Variants in ERCC6L2 observed in about 807,000 individuals in gnomAD.
The protein encoded by ERCC6L2 is ERCC excision repair 6 like 2, also known as DNA excision repair protein ERCC-6-like 2.
Under a neutral mutation model 132.0 loss-of-function variants are expected in ERCC6L2, and 77 were observed. The observed-to-expected ratio is 0.58, with a 90% CI of 0.49 to 0.71. ERCC6L2 has a LOEUF of 0.71. ERCC6L2 is among the 30% of genes least tolerant of loss of function. The pLI, the probability that ERCC6L2 is intolerant of heterozygous loss-of-function variation, is 0.00. For synonymous variants in ERCC6L2, 583 were observed against 632.4 expected, an observed-to-expected ratio of 0.92 and a Z score of 1.17; for missense variants, 1,542 against 1,837.6, an observed-to-expected ratio of 0.84 and a Z score of 2.94.
At position 95,939,283 on chromosome 9, in the gene ERCC6L2, CT is replaced by C. The variant is rs571836499; in HGVS notation, c.1752-2158del. On this transcript the variant is annotated intron_variant, in intron 11 of 18. Coordinates refer to ENST00000653738, the MANE Select transcript of ERCC6L2 (RefSeq NM_020207.7). ...TGTTCTAGTTCCAAGCCTTATTCTGCTTTTTTTTTTTTTCCTTATGAACTTT... is the reference window on the plus strand; with the variant it reads ...TGTTCTAGTTCCAAGCCTTATTCTGCTTTTTTTTTTTTCCTTATGAACTTT... Among the ~76,000 whole-genome samples, 427 of 141,978 alleles carry C rather than the reference CT, an allele frequency of 3.0e-3. 1 individual carries two copies. Among genetic ancestry groups the C allele is most frequent in the African/African-American group, 5.2e-3 (204 of 38,990 alleles). 93.1% of individuals were successfully genotyped at this position (141,978 alleles called of 152,430 possible).
At chr9:95,892,776 T>C (rs1828240448) in intron 2 of ERCC6L2, among the ~76,000 whole-genome samples, 1 of 152,194 alleles carries the variant, frequency 6.6e-6, no homozygotes, top group Non-Finnish European at 1.5e-5. Context: ...ATTTTGAAGC[T>C]CCGTTATTAG....
At chr9:95,890,302 TA>T (rs1288437755) in intron 2 of ERCC6L2, among the ~76,000 whole-genome samples, 4 of 152,222 alleles carry the variant, frequency 2.6e-5, no homozygotes, top group Non-Finnish European at 2.9e-5. Context: ...ATATTGCCTA[TA>T]TTTGCCAGGC....
At position 96,014,451 on chromosome 9, in the gene ERCC6L2, A is replaced by G. The variant is rs893618555; in HGVS notation, c.*1248A>G. The G allele has an allele frequency of 3.9e-5, 6 of 152,234 alleles. No individual in the cohort carries two copies. Among genetic ancestry groups the G allele is most frequent in the African/African-American group, 1.4e-4 (6 of 41,456 alleles). The allele number at this position is 152,234 out of a possible 1,614,324, so 9.4% of individuals were successfully genotyped here. ...TTCTCAAGGGACTGATCGGCCAAGT[A>G]TGCTTTTCTTTAGAGCAATGTTTTG... is the stretch of plus-strand genomic sequence containing the variant. On this transcript the variant is annotated 3_prime_UTR_variant, in exon 19 of 19. Transcript: ENST00000653738.
At chr9:95,969,067 AGGGG>A (rs1832292787) in intron 14 of ERCC6L2, among the ~76,000 whole-genome samples, 1 of 152,030 alleles carries the variant, frequency 6.6e-6, no homozygotes, top group Admixed American at 6.6e-5. Context: ...TGTTTTAGAT[AGGGG>A]AAACAAATGC....
chr9:95,952,725 G>A (rs575074336), intron 12 of ERCC6L2, among the ~76,000 whole-genome samples: 29 of 152,088 alleles, frequency 1.9e-4, no homozygotes, highest in African/African-American at 6.7e-4. Flanking sequence ...AGTTCCAGCT[G>A]CTTGCTTGGG....
At chr9:95,897,700 G>T (rs1254148593) in intron 2 of ERCC6L2, 149 bp from the exon 3 acceptor site, 3 of 755,920 alleles carry the variant, frequency 4.0e-6, no homozygotes, top group East Asian at 2.9e-5. Flanking sequence ...TACAAATAAA[G>T]AAAATCAGTA....
intron 13 of ERCC6L2, among the ~76,000 whole-genome samples, chr9:95,957,959 G>A (rs1397602160): frequency 6.6e-6 from 1 of 151,150 alleles, no homozygotes; most frequent in Non-Finnish European, 1.5e-5. Flanking sequence ...CATGTGCCAT[G>A]TTGGTGTGCT....
At chr9:95,918,229 A>G in intron 6 of ERCC6L2, 1 of 453,826 alleles carries the variant, frequency 2.2e-6, no homozygotes, top group Non-Finnish European at 4.4e-6. Context: ...AGCTGAGATT[A>G]AGGTCACCAT....
intron 6 of ERCC6L2, among the ~76,000 whole-genome samples, chr9:95,917,758 GT>G (rs1402467658): frequency 2.0e-5 from 3 of 152,164 alleles, no homozygotes; most frequent in Non-Finnish European, 4.4e-5. Context: ...TCTGCTTAGA[GT>G]TTTGTGACTT....
chr9:95,881,829 A>G (rs1166993608), intron 2 of ERCC6L2, among the ~76,000 whole-genome samples: 1 of 152,168 alleles, frequency 6.6e-6, no homozygotes, highest in East Asian at 1.9e-4. Flanking sequence ...TAAAGAGGGG[A>G]TTTGTTGTAG....
chr9:96,024,545 C>T (rs930722604), intron 19 of ERCC6L2, among the ~76,000 whole-genome samples: 4 of 152,192 alleles, frequency 2.6e-5, no homozygotes, highest in South Asian at 2.1e-4. Flanking sequence ...TGGTGGGCTC[C>T]GCCTCCTCCT....
At chr9:95,963,592 G>C (rs139314425) in intron 13 of ERCC6L2, among the ~76,000 whole-genome samples, 41 of 152,084 alleles carry the variant, frequency 2.7e-4, no homozygotes, top group African/African-American at 9.6e-4. Context: ...AAAACATGAT[G>C]CTGTAATCCA....
chr9:95,910,759 C>A (rs12553442), intron 4 of ERCC6L2, among the ~76,000 whole-genome samples: 1 of 151,956 alleles, frequency 6.6e-6, no homozygotes, highest in Non-Finnish European at 1.5e-5. Flanking sequence ...ATCAAACTTA[C>A]AAGCTAATAA....
At chr9:96,003,314 C>A (rs1833752716) in intron 17 of ERCC6L2, among the ~76,000 whole-genome samples, 1 of 152,104 alleles carries the variant, frequency 6.6e-6, no homozygotes, top group Non-Finnish European at 1.5e-5. Flanking sequence ...TTTTTATTCA[C>A]CCCTCATTGA....
At chr9:95,919,916 C>G (rs1270524698) in intron 6 of ERCC6L2, among the ~76,000 whole-genome samples, 1 of 152,188 alleles carries the variant, frequency 6.6e-6, no homozygotes, top group East Asian at 1.9e-4. Context: ...TAAGTGCTTT[C>G]AAACCAGTGC....
At chr9:96,022,257 G>A (rs1412154704), downstream of ERCC6L2, among the ~76,000 whole-genome samples, 1 of 152,152 alleles carries the variant, frequency 6.6e-6, no homozygotes, top group Non-Finnish European at 1.5e-5. Flanking sequence ...CCGCTTCCCC[G>A]GGAGCCCGTT....
At chr9:96,033,898 AGAAG>A (rs1834490461) in intron 19 of ERCC6L2, among the ~76,000 whole-genome samples, 1 of 152,242 alleles carries the variant, frequency 6.6e-6, no homozygotes, top group Non-Finnish European at 1.5e-5. Flanking sequence ...ACCGGGGCTC[AGAAG>A]GCCAGGAAGA....
At chr9:95,931,895 C>CT (rs148326555) in intron 11 of ERCC6L2, among the ~76,000 whole-genome samples, 4,560 of 148,264 alleles carry the variant, frequency 0.031, 94 homozygotes, top group East Asian at 0.13. Context: ...TAACAATGGC[C>CT]TTTTTTTTTT....
intron 19 of ERCC6L2, among the ~76,000 whole-genome samples, chr9:96,029,084 C>T (rs1834419032): frequency 2.0e-5 from 3 of 151,950 alleles, no homozygotes; most frequent in Admixed American, 2.0e-4. Flanking sequence ...GTGGGCGGAT[C>T]ACAAGGTCAG....
Sources: gnomAD v4.1 joint callset for allele counts (sites outside exome capture counted in the v4.1 genomes callset) on GRCh38, gnomAD v4.1.1 for gene constraint, MANE v1.5 for transcripts, NCBI Gene and HGNC (gene_info 2026-07-23, HGNC 2026-07-21) for gene names.